Variants in VAT1L observed in about 807,000 individuals in gnomAD.
VAT1L encodes vesicle amine transport 1 like.
Under a neutral mutation model 44.1 loss-of-function variants are expected in VAT1L, and 34 were observed. The observed-to-expected ratio is 0.77, with a 90% CI of 0.59 to 1.03. VAT1L has a LOEUF of 1.03. VAT1L is among the 50% of genes least tolerant of loss of function. The pLI is 0.00. For synonymous variants in VAT1L, 253 were observed against 202.2 expected (o/e 1.25, Z -2.13); for missense variants, 615 against 538.8 (o/e 1.14, Z -1.40).
At chr16:77,966,736 T>G (rs545252127) in intron 7 of VAT1L, among the ~76,000 whole-genome samples, 1 of 152,258 alleles carries the variant, frequency 6.6e-6, no homozygotes, top group South Asian at 2.1e-4. Flanking sequence ...TGAAATAGTT[T>G]GGATTCTTTT....
intron 7 of VAT1L, among the ~76,000 whole-genome samples, chr16:77,915,812 G>A (rs1422755232): frequency 6.6e-6 from 1 of 152,194 alleles, no homozygotes; most frequent in Non-Finnish European, 1.5e-5. Context: ...TCATATACAA[G>A]ATGTGTATTT....
At chr16:77,909,636 CAAAAA>C (rs35074692) in intron 7 of VAT1L, among the ~76,000 whole-genome samples, 2 of 87,316 alleles carry the variant, frequency 2.3e-5, no homozygotes, top group Non-Finnish European at 2.3e-5. Flanking sequence ...GACTCTGTCT[CAAAAA>C]AAAAAAAAAA....
intron 3 of VAT1L, 99 bp from the exon 4 acceptor site, chr16:77,862,649 T>TG: frequency 1.5e-6 from 1 of 657,000 alleles, no homozygotes; most frequent in Non-Finnish European, 2.2e-6. Flanking sequence ...AAAAAAAAAG[T>TG]CAATAGTGCC....
At chr16:77,927,014 A>G (rs1445753099) in intron 7 of VAT1L, among the ~76,000 whole-genome samples, 1 of 152,170 alleles carries the variant, frequency 6.6e-6, no homozygotes, top group African/African-American at 2.4e-5. Flanking sequence ...CATAACAGTC[A>G]TAGGCTATTT....
chr16:77,805,865 C>CTTTCTTTTTTTTTTTT (rs2016147307), intron 1 of VAT1L, among the ~76,000 whole-genome samples: 10 of 78,838 alleles, frequency 1.3e-4, no homozygotes, highest in Non-Finnish European at 2.5e-4. Context: ...TAGTCTCTGC[C>CTTTCTTTTTTTTTTTT]TTTTTTTTTT....
chr16:77,950,394 G>GTGAC (rs2018027340), intron 7 of VAT1L, among the ~76,000 whole-genome samples: 1 of 130,914 alleles, frequency 7.6e-6, no homozygotes, highest in Non-Finnish European at 1.6e-5. Flanking sequence ...GGGCGACAGA[G>GTGAC]CAAGATTCCA....
intron 1 of VAT1L, among the ~76,000 whole-genome samples, chr16:77,796,271 C>T (rs946481679): frequency 6.6e-6 from 1 of 152,162 alleles, no homozygotes; most frequent in African/African-American, 2.4e-5. Flanking sequence ...TGTCAGGTAG[C>T]TGATGATGGG....
At chr16:77,843,847 C>T (rs1250960433) in intron 3 of VAT1L, among the ~76,000 whole-genome samples, 5 of 152,230 alleles carry the variant, frequency 3.3e-5, no homozygotes, top group African/African-American at 1.2e-4. Context: ...GACAATTAGA[C>T]CCAGAGGTCT....
rs529395421 is a variant in VAT1L, at chr16:77,846,201, T to C, written c.580-16547T>C. 3.9e-5 allele frequency among the ~76,000 whole-genome samples: 6 copies of C among 152,296 alleles called. No individual in the cohort carries two copies. In the East Asian group the frequency reaches 9.6e-4, roughly 24 times the overall value. ...GAATTAATAAGTGAGTACATTGTCA[T>C]CAACATGTGAGCTACATGTAGACAC... On this transcript the variant is annotated intron_variant, in intron 3 of 8. Transcript: ENST00000302536.
At chr16:77,807,164 A>T (rs1313546442) in intron 1 of VAT1L, among the ~76,000 whole-genome samples, 1 of 152,166 alleles carries the variant, frequency 6.6e-6, no homozygotes, top group Non-Finnish European at 1.5e-5. Flanking sequence ...CTCTGTGACC[A>T]CAGGGGAATA....
At position 77,978,369 on chromosome 16, in the gene VAT1L, G is replaced by C. The variant is rs1317391685; in HGVS notation, c.*674G>C. On this transcript the variant is annotated 3_prime_UTR_variant, in exon 9 of 9. Transcript: ENST00000302536. ...TTTCACAGTAGACAATGGGTCAACAGCATGAGTTTGAGGACCTGCTGTGAA... is the reference window on the plus strand; with the variant it reads ...TTTCACAGTAGACAATGGGTCAACACCATGAGTTTGAGGACCTGCTGTGAA... 5 of 152,300 alleles carry C rather than the reference G, an allele frequency of 3.3e-5. No homozygotes were observed. Among genetic ancestry groups the C allele is most frequent in the East Asian group, 1.9e-4 (1 of 5,196 alleles). 9.4% of individuals were successfully genotyped at this position (152,300 alleles called of 1,614,324 possible).
intron 7 of VAT1L, among the ~76,000 whole-genome samples, chr16:77,895,328 G>T (rs1419439281): frequency 8.3e-6 from 1 of 119,898 alleles, no homozygotes; most frequent in Non-Finnish European, 1.8e-5. Context: ...CCCTAAAGAT[G>T]TCCACATCCT....
chr16:77,858,004 C>T (rs189756485), intron 3 of VAT1L, among the ~76,000 whole-genome samples: 11 of 152,266 alleles, frequency 7.2e-5, no homozygotes, highest in African/African-American at 2.4e-4. Context: ...CCCCCATACA[C>T]TCAACTCCTC....
rs1567529292 is a variant in VAT1L, at chr16:77,979,009, C to T, written c.*1314C>T. 1 of 152,196 alleles carries T rather than the reference C, an allele frequency of 6.6e-6. No homozygotes were observed. Among genetic ancestry groups the T allele is most frequent in the South Asian group, 2.1e-4 (1 of 4,828 alleles). The allele number at this position is 152,196 out of a possible 1,614,324, so 9.4% of individuals were successfully genotyped here. Reference sequence around the variant, plus strand: ...ACCAGGAGCTCATTTGATTCATACCCCAACTTTGTGTTCTGAAAAACATCA... The same window carrying T: ...ACCAGGAGCTCATTTGATTCATACCTCAACTTTGTGTTCTGAAAAACATCA... On this transcript the variant is annotated 3_prime_UTR_variant, in exon 9 of 9. Coordinates refer to ENST00000302536, the MANE Select transcript of VAT1L (RefSeq NM_020927.3).
intron 3 of VAT1L, among the ~76,000 whole-genome samples, chr16:77,839,732 A>G (rs1178750856): frequency 6.6e-6 from 1 of 152,006 alleles, no homozygotes; most frequent in Non-Finnish European, 1.5e-5. Context: ...GGAGACTCTA[A>G]TGCATGCTCA....
chr16:77,856,803 T>C (rs984094419), intron 3 of VAT1L, among the ~76,000 whole-genome samples: 1 of 152,202 alleles, frequency 6.6e-6, no homozygotes, highest in Non-Finnish European at 1.5e-5. Context: ...GTCTCTAAGA[T>C]GGCAACTCGA....
rs1008795080 is a variant in VAT1L at position 77,801,870 on chromosome 16, C to A, written c.233+12955C>A. On this transcript the variant is annotated intron_variant, in intron 1 of 8. Transcript: ENST00000302536. ...ATTTTCTAATTGGTTTCCCTTTATC[C>A]ACTCAGTTAAACTCCCTAAAATTGT... Among the ~76,000 whole-genome samples, 2 of 152,116 alleles carry A rather than the reference C, an allele frequency of 1.3e-5. 1 individual carries two copies. Among genetic ancestry groups the A allele is most frequent in the Non-Finnish European group, 2.9e-5 (2 of 68,024 alleles).
In VAT1L at chr16:77,788,731, GAGA is replaced by G; in HGVS notation, c.52_54del (p.Lys18del). On this transcript the variant is annotated inframe_deletion, in exon 1 of 9. Coordinates refer to ENST00000302536, the MANE Select transcript of VAT1L (RefSeq NM_020927.3). ...GGCGGAGGAGACGGAGCAAATGATCGAGAAGGAGGCAGGCAAGGAGCCGGCGGA... is the reference window on the plus strand; with the variant it reads ...GGCGGAGGAGACGGAGCAAATGATCGAGGAGGCAGGCAAGGAGCCGGCGGA... 6.4e-7 allele frequency: 1 copy of G among 1,558,838 alleles called. No homozygotes were observed. The highest frequency in any genetic ancestry group is 1.4e-5 in the African/African-American group (1 of 74,028).
In VAT1L at chr16:77,788,728, A is replaced by G; in HGVS notation, c.46A>G (p.Ile16Val). Residue 16 changes from isoleucine (I) to valine (V), a missense_variant, in exon 1 of 9, where the codon ATC (isoleucine) becomes GTC (valine). Ile to Val is a conservative substitution (Grantham distance 29). Transcript: ENST00000302536. ...VEKAEETEQM[I>V]EKEAGKEPAE... The stretch of plus-strand genomic sequence containing the variant: ...GAAGGCGGAGGAGACGGAGCAAATG[A>G]TCGAGAAGGAGGCAGGCAAGGAGCC... 6.4e-7 allele frequency: 1 copy of G among 1,558,190 alleles called. No individual in the cohort carries two copies. Among genetic ancestry groups the G allele is most frequent in the Non-Finnish European group, 8.7e-7 (1 of 1,150,484 alleles).
Sources: allele counts gnomAD v4.1 joint callset (sites outside exome capture counted in the v4.1 genomes callset), GRCh38; gene constraint gnomAD v4.1.1; transcripts MANE v1.5; gene names NCBI Gene and HGNC (gene_info 2026-07-23, HGNC 2026-07-21).